KCNH8: variants seen among roughly 807,000 people sequenced by gnomAD.
KCNH8 encodes voltage-gated delayed rectifier potassium channel KCNH8.
KCNH8 carries 70 observed loss-of-function variants against 103.6 expected under a neutral mutation model. The ratio of observed to expected loss-of-function variants is 0.68; its 90% CI spans 0.56 to 0.82. KCNH8 has a LOEUF of 0.82. Among genes scored for constraint, KCNH8 ranks in the 40% least tolerant of loss-of-function variants. The pLI is 0.00. For synonymous variants in KCNH8, 498 were observed against 489.4 expected, an observed-to-expected ratio of 1.02 and a Z score of -0.23; for missense variants, 1,217 against 1,329.9, an observed-to-expected ratio of 0.92 and a Z score of 1.32.
chr3:19,466,788 A>T (rs1442850077), intron 11 of KCNH8, among the ~76,000 whole-genome samples: 2 of 149,180 alleles, frequency 1.3e-5, no homozygotes, highest in Admixed American at 6.8e-5. Context: ...CAGCCTCCCG[A>T]GTAGCTGGGA....
intron 5 of KCNH8, among the ~76,000 whole-genome samples, chr3:19,364,230 C>T (rs1376567877): frequency 6.6e-6 from 1 of 151,974 alleles, no homozygotes; most frequent in Non-Finnish European, 1.5e-5. Flanking sequence ...GTCTTCATGC[C>T]CACGCCTCCA....
intron 7 of KCNH8, among the ~76,000 whole-genome samples, chr3:19,408,228 A>G (rs941408578): frequency 6.6e-6 from 1 of 152,164 alleles, no homozygotes. Context: ...GTACGTAGAC[A>G]TAGAATTTAT....
At chr3:19,362,750 A>G (rs1468310522) in intron 5 of KCNH8, among the ~76,000 whole-genome samples, 3 of 152,088 alleles carry the variant, frequency 2.0e-5, no homozygotes, top group African/African-American at 4.8e-5. Flanking sequence ...TGCAGCCTCA[A>G]TCTCCCAGGG....
At chr3:19,308,677 T>C (rs1312250491) in intron 3 of KCNH8, among the ~76,000 whole-genome samples, 2 of 53,450 alleles carry the variant, frequency 3.7e-5, no homozygotes, top group African/African-American at 1.0e-4. Flanking sequence ...TCTCTCTCTC[T>C]CTCTCTCTCT....
At chr3:19,208,414 T>C (rs1270615573) in intron 1 of KCNH8, among the ~76,000 whole-genome samples, 63 of 152,004 alleles carry the variant, frequency 4.1e-4, no homozygotes, top group Admixed American at 4.1e-3. Context: ...AAAGAATAAA[T>C]TCACTCTCTC....
chr3:19,435,053 CA>C (rs956497621), intron 7 of KCNH8, among the ~76,000 whole-genome samples: 1 of 151,978 alleles, frequency 6.6e-6, no homozygotes, highest in Non-Finnish European at 1.5e-5. Context: ...CACACACACA[CA>C]AAAAGACAAC....
intron 15 of KCNH8, among the ~76,000 whole-genome samples, chr3:19,527,125 G>A (rs1367434985): frequency 6.6e-6 from 1 of 151,942 alleles, no homozygotes; most frequent in Admixed American, 6.6e-5. Context: ...TTGAAATACA[G>A]GACCTTAATC....
chr3:19,349,423 T>C (rs1343444977), intron 5 of KCNH8, among the ~76,000 whole-genome samples: 1 of 152,096 alleles, frequency 6.6e-6, no homozygotes, highest in East Asian at 1.9e-4. Flanking sequence ...CTGGTCAAAG[T>C]TCTCAAGAAC....
At chr3:19,342,458 G>T in intron 3 of KCNH8, 129 bp from the exon 4 acceptor site, 1 of 735,282 alleles carries the variant, frequency 1.4e-6, no homozygotes, top group Non-Finnish European at 2.0e-6. Context: ...AATGTCATTA[G>T]GATCCAGCAG....
intron 5 of KCNH8, among the ~76,000 whole-genome samples, chr3:19,382,371 G>A (rs1159237040): frequency 6.6e-6 from 1 of 152,066 alleles, no homozygotes; most frequent in Admixed American, 6.5e-5. Context: ...TTAATTGTCT[G>A]AGTGTTTAAT....
At chr3:19,274,183 T>C (rs1275309550) in intron 2 of KCNH8, among the ~76,000 whole-genome samples, 1 of 152,178 alleles carries the variant, frequency 6.6e-6, no homozygotes, top group Non-Finnish European at 1.5e-5. Context: ...CACAGGACTG[T>C]TGTGTGACCT....
chr3:19,378,246 C>T (rs564648388), intron 5 of KCNH8, among the ~76,000 whole-genome samples: 2 of 152,266 alleles, frequency 1.3e-5, no homozygotes, highest in African/African-American at 2.4e-5. Flanking sequence ...ATTAGAAGAG[C>T]TCAGTCATGT....
intron 2 of KCNH8, among the ~76,000 whole-genome samples, chr3:19,267,755 CTTG>C (rs1323904548): frequency 6.6e-6 from 1 of 152,062 alleles, no homozygotes; most frequent in Non-Finnish European, 1.5e-5. Flanking sequence ...CACATAAATG[CTTG>C]TTGTATTGAC....
chr3:19,367,007 A>C (rs2066020803), intron 5 of KCNH8, among the ~76,000 whole-genome samples: 1 of 152,154 alleles, frequency 6.6e-6, no homozygotes, highest in African/African-American at 2.4e-5. Context: ...ATTACTTAGA[A>C]GCATAGAAGA....
intron 1 of KCNH8, among the ~76,000 whole-genome samples, chr3:19,190,702 A>G (rs377004995): frequency 4.6e-4 from 70 of 151,962 alleles, no homozygotes; most frequent in African/African-American, 1.7e-3. Flanking sequence ...TACTGAAGCA[A>G]CAAGTGCGAT....
intron 1 of KCNH8, among the ~76,000 whole-genome samples, chr3:19,184,466 A>G (rs1244140487): frequency 6.6e-6 from 1 of 152,028 alleles, no homozygotes; most frequent in Non-Finnish European, 1.5e-5. Flanking sequence ...CTTCAACTGT[A>G]TATGTAATTT....
At chr3:19,263,026 G>A (rs865836485) in intron 2 of KCNH8, among the ~76,000 whole-genome samples, 8 of 152,118 alleles carry the variant, frequency 5.3e-5, no homozygotes, top group Non-Finnish European at 7.4e-5. Flanking sequence ...AAAGTCATTA[G>A]CACCGTGGGC....
intron 8 of KCNH8, among the ~76,000 whole-genome samples, chr3:19,440,764 A>C (rs914230680): frequency 6.6e-6 from 1 of 152,168 alleles, no homozygotes; most frequent in Non-Finnish European, 1.5e-5. Flanking sequence ...ATAAATAGTG[A>C]ACATTTATTA....
chr3:19,204,122 T>C (rs2063689690), intron 1 of KCNH8, among the ~76,000 whole-genome samples: 1 of 152,130 alleles, frequency 6.6e-6, no homozygotes, highest in Non-Finnish European at 1.5e-5. Flanking sequence ...TTAAATATCA[T>C]CTGATTTGGA....
Sources: allele counts gnomAD v4.1 joint callset (sites outside exome capture counted in the v4.1 genomes callset), GRCh38; gene constraint gnomAD v4.1.1; transcripts MANE v1.5; gene names NCBI Gene and HGNC (gene_info 2026-07-23, HGNC 2026-07-21).